GRIK2: variants seen among roughly 807,000 people sequenced by gnomAD.
GRIK2 encodes the protein glutamate receptor ionotropic, kainate 2.
Under a neutral mutation model 100.3 loss-of-function variants are expected in GRIK2, and 32 were observed. The ratio of observed to expected loss-of-function variants is 0.32; its 90% confidence interval spans 0.24 to 0.43. The LOEUF (loss-of-function observed/expected upper bound fraction) is 0.43, where lower values mean the gene tolerates loss of function less well. Among genes scored for constraint, GRIK2 ranks in the 20% least tolerant of loss-of-function variants. The pLI is 1.00. For missense variants in GRIK2, 843 were observed against 1,114.9 expected (o/e 0.76, Z 3.47); for synonymous variants, 417 against 389.4 (o/e 1.07, Z -0.83).
chr6:101,876,227 A>G (rs1785829822), intron 11 of GRIK2, among the ~76,000 whole-genome samples: 1 of 151,846 alleles, frequency 6.6e-6, no homozygotes, highest in African/African-American at 2.4e-5. Context: ...AGTGTTACAC[A>G]TTTCATATAA....
chr6:101,546,745 A>C (rs923184196), intron 2 of GRIK2, among the ~76,000 whole-genome samples: 1 of 151,056 alleles, frequency 6.6e-6, no homozygotes, highest in Admixed American at 6.6e-5. Context: ...TGATAATTCC[A>C]TAGTTGCAGT....
intron 2 of GRIK2, among the ~76,000 whole-genome samples, chr6:101,508,672 T>A (rs1395000117): frequency 6.6e-6 from 1 of 152,212 alleles, no homozygotes; most frequent in African/African-American, 2.4e-5. Context: ...TATGCAGAGA[T>A]CCTTGGCCTG....
intron 2 of GRIK2, among the ~76,000 whole-genome samples, chr6:101,581,291 T>G (rs1778083552): frequency 6.7e-6 from 1 of 148,342 alleles, no homozygotes; most frequent in African/African-American, 2.6e-5. Flanking sequence ...TACACACGTG[T>G]GTGTGTGTGT....
In GRIK2 at chr6:101,636,342, G is replaced by A. The variant is rs183642201; in HGVS notation, c.541+9705G>A. Among the ~76,000 whole-genome samples the A allele has an allele frequency of 1.6e-3, 239 of 152,188 alleles. 2 individuals are homozygous for A. The highest frequency in any genetic ancestry group is 5.6e-3 in the African/African-American group (231 of 41,524). Reference sequence around the variant, plus strand: ...CAGAGGGGGCACATCACACACTGGGGCCTGTCAGGGGGTGAGGGAGTAGGA... The same window carrying A: ...CAGAGGGGGCACATCACACACTGGGACCTGTCAGGGGGTGAGGGAGTAGGA... On this transcript the variant is annotated intron_variant, in intron 4 of 16. Coordinates refer to ENST00000369134, the MANE Select transcript of GRIK2 (RefSeq NM_021956.5).
chr6:101,900,489 G>C (rs1386872450), intron 12 of GRIK2, among the ~76,000 whole-genome samples: 1 of 152,106 alleles, frequency 6.6e-6, no homozygotes, highest in East Asian at 1.9e-4. Flanking sequence ...TATTTATTTT[G>C]ATATTTTAGT....
chr6:101,496,606 C>T (rs901589964), intron 2 of GRIK2, among the ~76,000 whole-genome samples: 2 of 152,154 alleles, frequency 1.3e-5, no homozygotes, highest in African/African-American at 2.4e-5. Context: ...AAGATAAACA[C>T]AATCTGTACC....
At chr6:101,843,795 A>T (rs1396327601) in intron 10 of GRIK2, among the ~76,000 whole-genome samples, 4 of 152,178 alleles carry the variant, frequency 2.6e-5, no homozygotes, top group Non-Finnish European at 5.9e-5. Context: ...TGTAATTTTA[A>T]TTGCATTTTA....
rs969900097 is a variant in GRIK2 at position 101,448,876 on chromosome 6, A to G, written c.115+49484A>G. On this transcript the variant is annotated intron_variant, in intron 2 of 16. Transcript: ENST00000369134. ...AATCTCAAGGAGCTCTAAGTTTTAG[A>G]AAAACAATTATCATACAAGAAAGAT... is the stretch of plus-strand genomic sequence containing the variant. 2.0e-5 allele frequency among the ~76,000 whole-genome samples: 3 copies of G among 151,664 alleles called. No individual in the cohort carries two copies. The South Asian group carries it at 6.2e-4, about 31-fold the overall frequency.
chr6:101,977,807 CTTATT>C (rs1319038248), intron 14 of GRIK2, among the ~76,000 whole-genome samples: 26 of 152,056 alleles, frequency 1.7e-4, no homozygotes, highest in Non-Finnish European at 3.7e-4. Flanking sequence ...TTTGACCGCA[CTTATT>C]TTATTTGGTT....
intron 14 of GRIK2, among the ~76,000 whole-genome samples, chr6:102,018,033 AAT>A (rs1396553532): frequency 9.2e-5 from 14 of 152,222 alleles, no homozygotes; most frequent in African/African-American, 3.1e-4. Flanking sequence ...TTGTTCTGAC[AAT>A]TGTTCAGTCT....
chr6:101,645,559 C>A (rs1781487729), intron 4 of GRIK2, among the ~76,000 whole-genome samples: 1 of 151,876 alleles, frequency 6.6e-6, no homozygotes, highest in Non-Finnish European at 1.5e-5. Context: ...ATACTTGATA[C>A]CTTCAAAATA....
At chr6:101,590,251 A>C (rs975491212) in intron 2 of GRIK2, among the ~76,000 whole-genome samples, 3 of 151,970 alleles carry the variant, frequency 2.0e-5, no homozygotes, top group African/African-American at 4.8e-5. Flanking sequence ...CTGCTTTGTG[A>C]TACTGAAGCT....
chr6:101,573,978 A>G (rs1345854747), intron 2 of GRIK2, among the ~76,000 whole-genome samples: 3 of 152,024 alleles, frequency 2.0e-5, no homozygotes, highest in Non-Finnish European at 4.4e-5. Flanking sequence ...CTAAGAAATC[A>G]TGTAACTTGC....
At chr6:101,570,408 AATAAAG>A (rs1777475027) in intron 2 of GRIK2, among the ~76,000 whole-genome samples, 3 of 152,158 alleles carry the variant, frequency 2.0e-5, no homozygotes, top group African/African-American at 7.2e-5. Flanking sequence ...AATCAGGATA[AATAAAG>A]ATAGAGTTTC....
intron 12 of GRIK2, among the ~76,000 whole-genome samples, chr6:101,910,839 C>CCACACACACACACACACACACA (rs142489212): frequency 0.01 from 1,453 of 143,332 alleles, 29 homozygotes; most frequent in African/African-American, 0.036. Flanking sequence ...CCAACATACA[C>CCACACACACACACACACACACA]CACACACACA....
chr6:101,785,357 T>C (rs1779356177), intron 7 of GRIK2, among the ~76,000 whole-genome samples: 1 of 152,196 alleles, frequency 6.6e-6, no homozygotes. Context: ...GTTAATTGCC[T>C]ATGCTTTTGG....
At chr6:101,634,575 T>C (rs1450684983) in intron 4 of GRIK2, among the ~76,000 whole-genome samples, 1 of 151,778 alleles carries the variant, frequency 6.6e-6, no homozygotes, top group African/African-American at 2.4e-5. Context: ...TATTAGGAAA[T>C]GAAGAAAATC....
intron 7 of GRIK2, among the ~76,000 whole-genome samples, chr6:101,751,886 G>A (rs1189133282): frequency 6.6e-6 from 1 of 152,160 alleles, no homozygotes; most frequent in Non-Finnish European, 1.5e-5. Flanking sequence ...CTCTTGTGAT[G>A]TTAGGAACCA....
At chr6:101,458,307 A>C (rs1771116433) in intron 2 of GRIK2, among the ~76,000 whole-genome samples, 1 of 152,236 alleles carries the variant, frequency 6.6e-6, no homozygotes, top group African/African-American at 2.4e-5. Context: ...ATGTTTGTGA[A>C]AAGCCATGAA....
Sources: gnomAD v4.1 joint callset for allele counts (sites outside exome capture counted in the v4.1 genomes callset) on GRCh38, gnomAD v4.1.1 for gene constraint, MANE v1.5 for transcripts, NCBI Gene and HGNC (gene_info 2026-07-23, HGNC 2026-07-21) for gene names.